Variants in CHAD observed in about 807,000 individuals in gnomAD.
CHAD encodes the protein cartilage leucine-rich protein.
CHAD carries 18 observed loss-of-function variants against 24.0 expected under a neutral mutation model. The observed-to-expected ratio is 0.75, with a 90% CI of 0.52 to 1.11. The LOEUF is 1.11. CHAD is among the 50% of genes most tolerant of loss of function. CHAD has a pLI of 0.00. For synonymous variants in CHAD, 195 were observed against 211.6 expected (o/e 0.92, Z 0.68); for missense variants, 440 against 467.2 (o/e 0.94, Z 0.54).
At position 50,468,342 on chromosome 17, in the gene CHAD, T is replaced by A. The variant is rs754565067; in HGVS notation, c.472A>T (p.Lys158Ter). ...NLFILQLNNN[K>*]IRELRAGAFQ... ...GCGCCTGCGCGCAGCTCACGGATCT[T>A]GTTGTTGTTGAGCTGCAAGATGAAG... Residue 158 changes from lysine (K) to a stop codon, truncating the protein, a stop_gained, in exon 1 of 4, where the codon AAG becomes TAG. Coordinates refer to ENST00000508540, the MANE Select transcript of CHAD (RefSeq NM_001267.3). LOFTEE classifies it high-confidence loss of function. 1 of 1,613,286 alleles carries A rather than the reference T, an allele frequency of 6.2e-7. No individual in the cohort carries two copies. Among genetic ancestry groups the A allele is most frequent in the Non-Finnish European group, 8.5e-7 (1 of 1,179,682 alleles).
At position 50,468,423 on chromosome 17, in the gene CHAD, C is replaced by A. The variant is rs746898951; in HGVS notation, c.391G>T (p.Asp131Tyr). The A allele has an allele frequency of 1.2e-6, 2 of 1,614,004 alleles. No homozygotes were observed. The highest frequency in any genetic ancestry group is 1.7e-6 in the Non-Finnish European group (2 of 1,179,986). The change falls in exon 1 of 4, where the codon GAC becomes TAC. Residue 131 changes from aspartate to tyrosine, a missense_variant. Physicochemically the swap from Asp to Tyr is radical, Grantham distance 160 (BLOSUM62 -3). Transcript: ENST00000508540. ...GGCAGCTCAGTGACCTTGTTGTGGT[C>A]CAGGTAGAGGTAGGTCAGCTCGGTC... The part of the protein sequence containing the change: ...DLTELTYLYL[D>Y]HNKVTELPRG...
Position 50,468,428 on chromosome 17 carries a change from T to TAG in CHAD, c.384_385dup (p.Tyr129SerfsTer56). The TAG allele has an allele frequency of 6.2e-7, 1 of 1,614,218 alleles. No homozygotes were observed. The highest frequency in any genetic ancestry group is 1.3e-5 in the African/African-American group (1 of 75,050). The stretch of plus-strand genomic sequence containing the variant: ...CTCAGTGACCTTGTTGTGGTCCAGG[T>TAG]AGAGGTAGGTCAGCTCGGTCAGGTC... On this transcript the variant is annotated frameshift_variant, in exon 1 of 4. Coordinates refer to ENST00000508540, the MANE Select transcript of CHAD (RefSeq NM_001267.3). LOFTEE classifies it high-confidence loss of function.
chr17:50,465,323 C>T lies in CHAD; in HGVS notation c.1055G>A (p.Arg352Lys). 2.5e-6 allele frequency: 4 copies of T among 1,614,086 alleles called. No individual in the cohort carries two copies. The highest frequency in any genetic ancestry group is 1.1e-5 in the South Asian group (1 of 91,066). ...TTAATGGCGGCCAGCTTTCTTGGAC[C>T]TCTTGGTGGGGAACTTGCAGCTGCG... ...AFRSCKFPTKRSKKAGRH is the reference protein window; with the variant it reads ...AFRSCKFPTKKSKKAGRH The change falls in exon 3 of 4, where the codon AGG becomes AAG. Residue 352 changes from arginine to lysine, a missense_variant. Transcript: ENST00000508540.
Position 50,464,769 on chromosome 17 carries a change from T to TGGGGG in CHAD, c.*280_*284dup, listed in dbSNP as rs368836827. ...CAACCTGTTGTGGTTCTGATTGACTTGGGGGGGGGGTCTCAGCAACAGCTT... is the reference window on the plus strand; with the variant it reads ...CAACCTGTTGTGGTTCTGATTGACTTGGGGGGGGGGGGGGGTCTCAGCAACAGCTT... On this transcript the variant is annotated 3_prime_UTR_variant, in exon 4 of 4. Coordinates refer to ENST00000508540, the MANE Select transcript of CHAD (RefSeq NM_001267.3). 11 of 170,512 alleles carry TGGGGG rather than the reference T, an allele frequency of 6.5e-5. No individual in the cohort carries two copies. The highest frequency in any genetic ancestry group is 2.9e-4 in the East Asian group (2 of 6,918). 10.6% of individuals were successfully genotyped at this position (170,512 alleles called of 1,614,324 possible). A position where few individuals can be genotyped will look rare whatever the true frequency, so the allele number is the denominator to read the frequency against.
rs1329017566 is a variant in CHAD, at chr17:50,468,350, T to C, written c.464A>G (p.Asn155Ser). The change falls in exon 1 of 4, where the codon AAC becomes AGC. Residue 155 changes from asparagine (N) to serine (S), a missense_variant. Physicochemically the swap from Asn to Ser is conservative, Grantham distance 46. Coordinates refer to ENST00000508540, the MANE Select transcript of CHAD (RefSeq NM_001267.3). ...GCGCAGCTCACGGATCTTGTTGTTG[T>C]TGAGCTGCAAGATGAAGAGGTTGAC... ...PLVNLFILQL[N>S]NNKIRELRAG... 4 of 1,613,924 alleles carry C rather than the reference T, an allele frequency of 2.5e-6. No homozygotes were observed. Among genetic ancestry groups the C allele is most frequent in the Admixed American group, 1.7e-5 (1 of 59,996 alleles).
Position 50,468,234 on chromosome 17 carries a change from C to G in CHAD, c.580G>C (p.Val194Leu). 6.2e-7 allele frequency: 1 copy of G among 1,612,554 alleles called. No homozygotes were observed. Among genetic ancestry groups the G allele is most frequent in the Non-Finnish European group, 8.5e-7 (1 of 1,178,806 alleles). ...ACGTGGAATTTGGCGAGGTTCTCCA[C>G]GTCGTCCAGGGCCCCGGGCTGCAGG... The part of the protein sequence containing the change: ...SSLQPGALDD[V>L]ENLAKFHVDR... Residue 194 changes from valine to leucine, a missense_variant, in exon 1 of 4, where the codon GTG becomes CTG. Val to Leu is a conservative substitution (Grantham distance 32, BLOSUM62 1). Transcript: ENST00000508540.
Position 50,465,715 on chromosome 17 carries a change from G to T in CHAD, c.930C>A (p.Gly310=), listed in dbSNP as rs554921993. ...CATGGAAGTGTTCTTACCGCCGAAG[G>T]CCCCGGAGCTGGCAGGTACACTTCC... The part of the protein sequence containing the change: ...NPWKCTCQLR[G]LRRWLEAKAS... Residue 310 remains glycine (G), a synonymous_variant, in exon 2 of 4, where the codon GGC becomes GGA. Transcript: ENST00000508540. 1.8e-5 allele frequency: 29 copies of T among 1,613,518 alleles called. No individual in the cohort carries two copies. The Admixed American group carries it at 2.3e-4, about 13-fold the overall frequency.
chr17:50,466,583 T>C (rs2032745222), intron 1 of CHAD, among the ~76,000 whole-genome samples: 2 of 152,148 alleles, frequency 1.3e-5, no homozygotes, highest in Admixed American at 1.3e-4. Flanking sequence ...TGGTACACGG[T>C]GAACTTGGTC....
chr17:50,468,179 G>A lies in CHAD; in HGVS notation c.635C>T (p.Ser212Leu), dbSNP rs763080075. 1 of 1,614,172 alleles carries A rather than the reference G, an allele frequency of 6.2e-7. No homozygotes were observed. The highest frequency in any genetic ancestry group is 8.5e-7 in the Non-Finnish European group (1 of 1,180,000). ...VDRNQLSSYPSAALSKLRVVE... is the reference protein window; with the variant it reads ...VDRNQLSSYPLAALSKLRVVE... ...CACCCGTAGCTTGCTCAGGGCAGCT[G>A]AGGGGTAGCTGGACAGCTGGTTCCT... Residue 212 changes from serine to leucine, a missense_variant, in exon 1 of 4, where the codon TCA becomes TTA. Transcript: ENST00000508540.
intron 1 of CHAD, among the ~76,000 whole-genome samples, chr17:50,466,380 C>A (rs953128738): frequency 6.6e-6 from 1 of 152,188 alleles, no homozygotes; most frequent in African/African-American, 2.4e-5. Context: ...TGAGCCACCA[C>A]GCCCAGCCAG....
chr17:50,465,132 C>A (rs374396819), intron 3 of CHAD, 83 bp from the exon 4 acceptor site: 1 of 747,012 alleles, frequency 1.3e-6, no homozygotes. Flanking sequence ...TGGGCAGGAC[C>A]TTTTCCTCCC....
rs1452288458 is a variant in CHAD at position 50,468,557 on chromosome 17, T to C, written c.257A>G (p.Gln86Arg). Residue 86 changes from glutamine to arginine, a missense_variant, in exon 1 of 4, where the codon CAG (glutamine) becomes CGG (arginine). Gln to Arg is a conservative substitution (Grantham distance 43, BLOSUM62 1). Coordinates refer to ENST00000508540, the MANE Select transcript of CHAD (RefSeq NM_001267.3). ...GGCACCGGCGGCCACCTCGCGGATC[T>C]GGCAGTGCTGCAGGTGCAATGACAC... ...NLVSLHLQHC[Q>R]IREVAAGAFR... The C allele has an allele frequency of 1.2e-6, 2 of 1,614,246 alleles. No homozygotes were observed. The highest frequency in any genetic ancestry group is 2.2e-5 in the East Asian group (1 of 44,884).
Position 50,468,871 on chromosome 17 carries a change from G to C in CHAD, c.-58C>G, listed in dbSNP as rs2412325. On this transcript the variant is annotated 5_prime_UTR_variant, in exon 1 of 4. Coordinates refer to ENST00000508540, the MANE Select transcript of CHAD (RefSeq NM_001267.3). Reference sequence around the variant, plus strand: ...GCAGCGGCGGCGGGGCGCGGGCAGCGGCGAGTCCTAGGCGCTCGGGTCTGC... The same window carrying C: ...GCAGCGGCGGCGGGGCGCGGGCAGCCGCGAGTCCTAGGCGCTCGGGTCTGC... 0.24 allele frequency: 352,541 copies of C among 1,444,788 alleles called. 44,983 individuals carry two copies. The highest frequency in any genetic ancestry group is 0.36 in the African/African-American group (25,205 of 69,372). The allele number at this position is 1,444,788 out of a possible 1,614,324, so 89.5% of individuals were successfully genotyped here. A position where few individuals can be genotyped will look rare whatever the true frequency, so the allele number is the denominator to read the frequency against.
In CHAD at chr17:50,468,835, G is replaced by A. The variant is rs747555576; in HGVS notation, c.-22C>T. ...CCATGGCTGGGACGCCTGGGGCCGG[G>A]GCTGGGGGCAGCAGCGGCGGCGGGG... On this transcript the variant is annotated 5_prime_UTR_variant, in exon 1 of 4. Transcript: ENST00000508540. 124 of 1,479,234 alleles carry A rather than the reference G, an allele frequency of 8.4e-5. 1 individual carries two copies. The East Asian group carries it at 3.0e-3, about 36-fold the overall frequency. 91.6% of individuals were successfully genotyped at this position (1,479,234 alleles called of 1,614,324 possible).
Position 50,464,744 on chromosome 17 carries a change from C to A in CHAD, c.*310G>T. 2.8e-6 allele frequency: 1 copy of A among 354,422 alleles called. No individual in the cohort carries two copies. Among genetic ancestry groups the A allele is most frequent in the South Asian group, 2.1e-5 (1 of 48,046 alleles). The allele number at this position is 354,422 out of a possible 1,614,324, so 22.0% of individuals were successfully genotyped here. On this transcript the variant is annotated 3_prime_UTR_variant, in exon 4 of 4. Coordinates refer to ENST00000508540, the MANE Select transcript of CHAD (RefSeq NM_001267.3). ...CTGGGAGGGTGGCCATCCTGATGACCAACCTGTTGTGGTTCTGATTGACTT... is the reference window on the plus strand; with the variant it reads ...CTGGGAGGGTGGCCATCCTGATGACAAACCTGTTGTGGTTCTGATTGACTT...
In CHAD at chr17:50,464,889, G is replaced by T; in HGVS notation, c.*165C>A. On this transcript the variant is annotated 3_prime_UTR_variant, in exon 4 of 4. Transcript: ENST00000508540. ...GACACTGCTGGGTGGAGCTGGGTTG[G>T]TAGTGGAGTGCCCGAGGCCCCCTGC... 1 of 347,966 alleles carries T rather than the reference G, an allele frequency of 2.9e-6. No homozygotes were observed. Among genetic ancestry groups the T allele is most frequent in the Non-Finnish European group, 5.6e-6 (1 of 178,570 alleles). The allele number at this position is 347,966 out of a possible 1,614,324, so 21.6% of individuals were successfully genotyped here.
rs2032936933 is a variant in CHAD, at chr17:50,468,850, C to T, written c.-37G>A. 18 of 1,452,642 alleles carry T rather than the reference C, an allele frequency of 1.2e-5. No homozygotes were observed. Among genetic ancestry groups the T allele is most frequent in the Non-Finnish European group, 1.6e-5 (18 of 1,111,828 alleles). 90.0% of individuals were successfully genotyped at this position (1,452,642 alleles called of 1,614,324 possible). A position where few individuals can be genotyped will look rare whatever the true frequency, so the allele number is the denominator to read the frequency against. ...CTGGGGCCGGGGCTGGGGGCAGCAG[C>T]GGCGGCGGGGCGCGGGCAGCGGCGA... On this transcript the variant is annotated 5_prime_UTR_variant, in exon 1 of 4. Coordinates refer to ENST00000508540, the MANE Select transcript of CHAD (RefSeq NM_001267.3).
In CHAD at chr17:50,468,682, C is replaced by G; in HGVS notation, c.132G>C (p.Gln44His). The change falls in exon 1 of 4, where the codon CAG becomes CAC. Residue 44 changes from glutamine to histidine, a missense_variant. Coordinates refer to ENST00000508540, the MANE Select transcript of CHAD (RefSeq NM_001267.3). ...QHVICDKVGL[Q>H]KIPKVSEKTK... The stretch of plus-strand genomic sequence containing the variant: ...TCTTCTCTGACACCTTGGGGATCTT[C>G]TGCAGCCCCACCTTGTCGCAGATGA... The G allele has an allele frequency of 1.2e-6, 2 of 1,614,002 alleles. No individual in the cohort carries two copies. The highest frequency in any genetic ancestry group is 1.7e-6 in the Non-Finnish European group (2 of 1,180,030).
At position 50,468,385 on chromosome 17, in the gene CHAD, G is replaced by T; in HGVS notation, c.429C>A (p.Leu143=). The T allele has an allele frequency of 6.2e-7, 1 of 1,614,222 alleles. No homozygotes were observed. Among genetic ancestry groups the T allele is most frequent in the Non-Finnish European group, 8.5e-7 (1 of 1,180,044 alleles). ...AGATGAAGAGGTTGACCAGCGGGGA[G>T]AGCAACCCCCGGGGCAGCTCAGTGA... The part of the protein sequence containing the change: ...NKVTELPRGL[L]SPLVNLFILQ... Residue 143 remains leucine, a synonymous_variant, in exon 1 of 4, where the codon CTC becomes CTA. Coordinates refer to ENST00000508540, the MANE Select transcript of CHAD (RefSeq NM_001267.3).
Sources: allele counts gnomAD v4.1 joint callset (sites outside exome capture counted in the v4.1 genomes callset), GRCh38; gene constraint gnomAD v4.1.1; transcripts MANE v1.5; gene names NCBI Gene and HGNC (gene_info 2026-07-23, HGNC 2026-07-21).